Variants in DLC1 observed in about 807,000 individuals in gnomAD.
DLC1 encodes rho GTPase-activating protein 7.
DLC1 carries 54 observed loss-of-function variants against 140.3 expected under a neutral mutation model. The ratio of observed to expected loss-of-function variants is 0.38; its 90% CI spans 0.31 to 0.48. The LOEUF is 0.48. Among genes scored for constraint, DLC1 ranks in the 20% least tolerant of loss-of-function variants. The pLI is 0.96. For synonymous variants in DLC1, 986 were observed against 728.1 expected (o/e 1.35, Z -5.70); for missense variants, 2,536 against 1,907.0 (o/e 1.33, Z -6.14).
chr8:13,427,286 C>T (rs1007326916), intron 2 of DLC1, among the ~76,000 whole-genome samples: 14 of 152,260 alleles, frequency 9.2e-5, no homozygotes, highest in African/African-American at 3.4e-4. Context: ...TCCAACTCGG[C>T]TCATGGGGCT....
chr8:13,530,901 T>C (rs1803074260), intron 1 of DLC1, among the ~76,000 whole-genome samples: 1 of 152,232 alleles, frequency 6.6e-6, no homozygotes, highest in Non-Finnish European at 1.5e-5. Context: ...TGCTATGAGC[T>C]AAATTGTGTT....
At chr8:13,226,969 C>A (rs921204802) in intron 5 of DLC1, among the ~76,000 whole-genome samples, 1 of 151,984 alleles carries the variant, frequency 6.6e-6, no homozygotes, top group African/African-American at 2.4e-5. Context: ...GGAGGTTAAT[C>A]CCCATTTAAA....
chr8:13,499,637 G>A lies in DLC1; in HGVS notation c.435C>T (p.Gly145=). ...TSGQHMIQGA[G]SLEKALPIIQ... is the part of the protein sequence containing the mutation. ...TGATGGGCAGTGCCTTTTCTAAGGA[G>A]CCTGCTCCTTGGATCATATGTTGGC... Residue 145 remains glycine (G), a synonymous_variant, in exon 2 of 18, where the codon GGC becomes GGT. Coordinates refer to ENST00000276297, the MANE Select transcript of DLC1 (RefSeq NM_182643.3). The A allele has an allele frequency of 6.2e-7, 1 of 1,614,156 alleles. No homozygotes were observed.
chr8:13,240,305 A>T (rs1197631442), intron 5 of DLC1, among the ~76,000 whole-genome samples: 1 of 152,238 alleles, frequency 6.6e-6, no homozygotes, highest in Non-Finnish European at 1.5e-5. Flanking sequence ...GGTAGTTCAA[A>T]GGAACATAAC....
intron 3 of DLC1, among the ~76,000 whole-genome samples, chr8:13,394,019 C>T (rs1420621113): frequency 6.6e-6 from 1 of 152,090 alleles, no homozygotes; most frequent in Non-Finnish European, 1.5e-5. Context: ...CACAGCCACA[C>T]CTTCCTTACT....
chr8:13,299,617 T>A (rs533244529), intron 5 of DLC1, among the ~76,000 whole-genome samples: 74 of 152,010 alleles, frequency 4.9e-4, no homozygotes, highest in African/African-American at 1.7e-3. Context: ...TCTATGGTAG[T>A]TAAAGTTTGA....
chr8:13,191,743 C>T (rs1223252620), intron 5 of DLC1, among the ~76,000 whole-genome samples: 3 of 152,012 alleles, frequency 2.0e-5, no homozygotes, highest in Non-Finnish European at 4.4e-5. Context: ...TCTGTTTTTC[C>T]TGGTGTCCAG....
At chr8:13,129,290 G>C (rs571437067) in intron 5 of DLC1, among the ~76,000 whole-genome samples, 3 of 152,314 alleles carry the variant, frequency 2.0e-5, no homozygotes, top group South Asian at 2.1e-4. Flanking sequence ...GTCAGAAATA[G>C]AGACAGTTGT....
intron 5 of DLC1, among the ~76,000 whole-genome samples, chr8:13,203,049 C>T (rs965520458): frequency 6.6e-6 from 1 of 152,060 alleles, no homozygotes; most frequent in Non-Finnish European, 1.5e-5. Flanking sequence ...TCATGAAAAC[C>T]GAATAGTAGG....
At chr8:13,595,629 A>C (rs1487781827) in intron 1 of DLC1, among the ~76,000 whole-genome samples, 1 of 152,002 alleles carries the variant, frequency 6.6e-6, no homozygotes, top group Non-Finnish European at 1.5e-5. Flanking sequence ...ACTCTTATTG[A>C]GTCTGGGTGA....
intron 4 of DLC1, chr8:13,353,451 T>C (rs1320965221): frequency 1.3e-5 from 2 of 151,540 alleles, no homozygotes; most frequent in Non-Finnish European, 2.9e-5. Context: ...TGGGAATGAG[T>C]GTGGTTTTGA....
intron 4 of DLC1, among the ~76,000 whole-genome samples, chr8:13,335,162 G>T (rs1031275835): frequency 2.6e-5 from 4 of 152,098 alleles, no homozygotes; most frequent in Non-Finnish European, 4.4e-5. Context: ...AGAGAAAAGA[G>T]ACAGGAAGAA....
In DLC1 at chr8:13,528,928, A is replaced by G. The variant is rs150377747; in HGVS notation, c.-125-28732T>C. Among the ~76,000 whole-genome samples, 334 of 152,280 alleles carry G rather than the reference A, an allele frequency of 2.2e-3. 2 individuals are homozygous for G. The highest frequency in any genetic ancestry group is 7.9e-3 in the African/African-American group (329 of 41,558). ...CAATCTGATGAGGCTGAAGTTCTTA[A>G]GAGAAGACTGTTCTATCACCACCAT... On this transcript the variant is annotated intron_variant, in intron 1 of 1. Coordinates refer to the DLC1 transcript ENST00000631382.
chr8:13,590,858 A>G (rs1805493332), intron 1 of DLC1, among the ~76,000 whole-genome samples: 2 of 152,140 alleles, frequency 1.3e-5, no homozygotes. Flanking sequence ...TTACAACTTA[A>G]GCACAAATAC....
chr8:13,372,829 T>G (rs1729165), intron 4 of DLC1, among the ~76,000 whole-genome samples: 79,968 of 151,856 alleles, frequency 0.53, 21,916 homozygotes, highest in East Asian at 0.82. Context: ...AAACAAATTT[T>G]CCAGAAATAT....
chr8:13,191,926 GATTATTATTATT>G (rs143940185), intron 5 of DLC1, among the ~76,000 whole-genome samples: 4 of 141,928 alleles, frequency 2.8e-5, no homozygotes, highest in East Asian at 2.1e-4. Context: ...GGAGTGGCCT[GATTATTATTATT>G]ATTATTATTA....
intron 1 of DLC1, chr8:13,536,103 G>A (rs1803271557): frequency 6.6e-6 from 1 of 152,136 alleles, no homozygotes; most frequent in African/African-American, 2.4e-5. Flanking sequence ...GTATTTGGAT[G>A]GGAGAACAGC....
At chr8:13,421,239 T>G (rs1838310253) in intron 2 of DLC1, among the ~76,000 whole-genome samples, 1 of 152,166 alleles carries the variant, frequency 6.6e-6, no homozygotes, top group Admixed American at 6.6e-5. Flanking sequence ...CTGCCTTATA[T>G]TATTAAGCTT....
intron 3 of DLC1, among the ~76,000 whole-genome samples, chr8:13,394,999 A>C (rs1836956306): frequency 1.8e-5 from 1 of 54,500 alleles, no homozygotes; most frequent in South Asian, 8.7e-4. Flanking sequence ...CTAATCTACT[A>C]CATATTCTAT....
Sources: allele counts gnomAD v4.1 joint callset (sites outside exome capture counted in the v4.1 genomes callset), GRCh38; gene constraint gnomAD v4.1.1; transcripts MANE v1.5; gene names NCBI Gene and HGNC (gene_info 2026-07-23, HGNC 2026-07-21).